CDH13: variants seen among roughly 807,000 people sequenced by gnomAD.
The protein encoded by CDH13 is cadherin-13.
A neutral mutation model predicts 63.8 loss-of-function variants in CDH13; 24 were observed. That is an observed-to-expected ratio of 0.38 (90% CI 0.27 to 0.53). The LOEUF (loss-of-function observed/expected upper bound fraction) is 0.53. Among genes scored for constraint, CDH13 ranks in the 20% least tolerant of loss-of-function variants. CDH13 has a pLI of 0.85. For synonymous variants in CDH13, 503 were observed against 355.3 expected (o/e 1.42, Z -4.67); for missense variants, 1,049 against 903.1 (o/e 1.16, Z -2.07).
At chr16:83,594,388 G>C (rs758758258) in intron 7 of CDH13, among the ~76,000 whole-genome samples, 4 of 152,168 alleles carry the variant, frequency 2.6e-5, no homozygotes, top group Non-Finnish European at 4.4e-5. Flanking sequence ...GGATCACTCA[G>C]CTACTAAGTC....
chr16:83,414,279 A>G (rs896551513), intron 6 of CDH13, among the ~76,000 whole-genome samples: 6 of 152,190 alleles, frequency 3.9e-5, no homozygotes, highest in Non-Finnish European at 7.3e-5. Flanking sequence ...ATTAATACAT[A>G]ATTCATATAC....
intron 2 of CDH13, among the ~76,000 whole-genome samples, chr16:83,029,814 T>C (rs543098031): frequency 2.0e-5 from 3 of 152,180 alleles, no homozygotes; most frequent in Non-Finnish European, 2.9e-5. Flanking sequence ...TAAAAATTCA[T>C]TGGGTTGTAT....
intron 4 of CDH13, among the ~76,000 whole-genome samples, chr16:83,160,377 G>A (rs903655008): frequency 6.6e-6 from 1 of 152,106 alleles, no homozygotes; most frequent in East Asian, 1.9e-4. Flanking sequence ...TAAGTTTGAT[G>A]AACTTGGTTT....
chr16:83,497,237 A>C (rs1354304478), intron 7 of CDH13, among the ~76,000 whole-genome samples: 6 of 152,000 alleles, frequency 3.9e-5, no homozygotes. Flanking sequence ...CACTATTCAC[A>C]ATAGCAAAGA....
intron 3 of CDH13, among the ~76,000 whole-genome samples, chr16:83,061,367 T>C (rs750589592): frequency 7.9e-5 from 12 of 152,200 alleles, no homozygotes; most frequent in African/African-American, 1.4e-4. Flanking sequence ...CCTTACACCA[T>C]GTGAATTCCC....
chr16:83,292,040 A>T (rs771153759), intron 5 of CDH13, among the ~76,000 whole-genome samples: 3 of 152,158 alleles, frequency 2.0e-5, no homozygotes, highest in Non-Finnish European at 2.9e-5. Flanking sequence ...ATTTTTCACT[A>T]TTGGCCTATG....
chr16:83,459,097 TG>T, intron 6 of CDH13, among the ~76,000 whole-genome samples: 1 of 152,340 alleles, frequency 6.6e-6, no homozygotes, highest in South Asian at 2.1e-4. Flanking sequence ...ACCAACTTTT[TG>T]TTTGTTTGGT....
Position 82,994,382 on chromosome 16 carries a change from C to T in CDH13, c.158-37628C>T, listed in dbSNP as rs367924349. Reference sequence around the variant, plus strand: ...CTGATTCAGCATCATCAAGCCTCAGCGGGGTGCCTGAGACCCCCTACCTTT... The same window carrying T: ...CTGATTCAGCATCATCAAGCCTCAGTGGGGTGCCTGAGACCCCCTACCTTT... On this transcript the variant is annotated intron_variant, in intron 2 of 13. Transcript: ENST00000567109. Among the ~76,000 whole-genome samples, 35 of 152,248 alleles carry T rather than the reference C, an allele frequency of 2.3e-4. No individual in the cohort carries two copies. The South Asian group carries it at 7.1e-3, about 31-fold the overall frequency.
intron 6 of CDH13, among the ~76,000 whole-genome samples, chr16:83,388,213 G>A (rs185553110): frequency 2.3e-4 from 35 of 151,722 alleles, no homozygotes; most frequent in African/African-American, 8.0e-4. Context: ...CAGCACTTTG[G>A]GAGGCAAAAG....
chr16:83,654,311 C>T (rs553254651), intron 8 of CDH13, among the ~76,000 whole-genome samples: 1 of 152,186 alleles, frequency 6.6e-6, no homozygotes, highest in African/African-American at 2.4e-5. Context: ...GGAAGGGTCC[C>T]TCCTGCACCC....
intron 6 of CDH13, among the ~76,000 whole-genome samples, chr16:83,373,453 C>A (rs2091408056): frequency 6.6e-6 from 1 of 151,958 alleles, no homozygotes; most frequent in Non-Finnish European, 1.5e-5. Context: ...GAAGCTTGTT[C>A]CGGAAGAAGG....
chr16:82,991,279 T>A (rs1567723942), intron 2 of CDH13, among the ~76,000 whole-genome samples: 1 of 152,238 alleles, frequency 6.6e-6, no homozygotes, highest in African/African-American at 2.4e-5. Context: ...ACATTTGCAA[T>A]AATTTTGGTT....
chr16:83,208,121 C>G (rs1167973228), intron 4 of CDH13, among the ~76,000 whole-genome samples: 1 of 152,084 alleles, frequency 6.6e-6, no homozygotes, highest in Non-Finnish European at 1.5e-5. Context: ...GGCGTGAGCA[C>G]TGCTGATTGA....
chr16:83,776,093 C>G (rs1389269333), intron 11 of CDH13, among the ~76,000 whole-genome samples: 3 of 152,118 alleles, frequency 2.0e-5, no homozygotes, highest in Non-Finnish European at 4.4e-5. Context: ...CCCAAAGTAA[C>G]AAACTCATCT....
chr16:83,136,310 T>G (rs1413204184), intron 4 of CDH13, among the ~76,000 whole-genome samples: 1 of 151,688 alleles, frequency 6.6e-6, no homozygotes, highest in Middle Eastern at 3.4e-3. Context: ...GGTGAAACCC[T>G]GTCTCTACTA....
chr16:83,342,727 C>T (rs2090752266), intron 5 of CDH13, among the ~76,000 whole-genome samples: 1 of 151,372 alleles, frequency 6.6e-6, no homozygotes, highest in Non-Finnish European at 1.5e-5. Flanking sequence ...AATGTGAATT[C>T]TGATTACCTA....
At chr16:83,490,341 C>A (rs2073985747) in intron 7 of CDH13, among the ~76,000 whole-genome samples, 1 of 152,108 alleles carries the variant, frequency 6.6e-6, no homozygotes, top group Non-Finnish European at 1.5e-5. Flanking sequence ...AATCATCTTC[C>A]CTGCCTTTTA....
chr16:83,058,378 A>G (rs1204467270), intron 3 of CDH13, among the ~76,000 whole-genome samples: 6 of 152,196 alleles, frequency 3.9e-5, no homozygotes, highest in African/African-American at 1.4e-4. Context: ...CTTCAAGAAA[A>G]GTGTTTGTTC....
chr16:83,659,975 C>T (rs1336420837), intron 8 of CDH13, among the ~76,000 whole-genome samples: 4 of 151,818 alleles, frequency 2.6e-5, no homozygotes, highest in Admixed American at 2.0e-4. Context: ...TTTGTAGAGA[C>T]GGGATTTCGC....
Sources: gnomAD v4.1 joint callset for allele counts (sites outside exome capture counted in the v4.1 genomes callset) on GRCh38, gnomAD v4.1.1 for gene constraint, MANE v1.5 for transcripts, NCBI Gene and HGNC (gene_info 2026-07-23, HGNC 2026-07-21) for gene names.